VPS52: variants seen among roughly 807,000 people sequenced by gnomAD.
VPS52 encodes the protein vacuolar protein sorting-associated protein 52 homolog.
In VPS52, 56 loss-of-function variants were observed where a neutral mutation model predicts 98.7. The ratio of observed to expected loss-of-function variants is 0.57; its 90% CI spans 0.46 to 0.71. The LOEUF is 0.71. Ranked by LOEUF, VPS52 falls within the 30% of genes least tolerant of loss-of-function variation. The probability of loss-of-function intolerance (pLI) is 0.00; values close to 1 mark genes in which losing one functional copy is unlikely to be tolerated. For missense variants in VPS52, 742 were observed against 925.9 expected, an observed-to-expected ratio of 0.80 and a Z score of 2.58; for synonymous variants, 348 against 346.4, an observed-to-expected ratio of 1.00 and a Z score of -0.05.
intron 15 of VPS52, 60 bp downstream of exon 15, chr6:33,263,948 C>G: frequency 1.2e-6 from 2 of 1,613,648 alleles, no homozygotes; most frequent in South Asian, 2.2e-5. Context: ...GGCTCCTCCT[C>G]AGACTCCACC....
chr6:33,269,031 C>T lies in VPS52; in HGVS notation c.531G>A (p.Val177=), dbSNP rs929912874. ...KLGELVDGLV[V]PSALVTAILE... ...TAACTCACGTGACCAGAGCAGAAGG[C>T]ACCACCAGACCATCAACAAGCTCCC... The change falls in exon 6 of 20, where the codon GTG becomes GTA. Residue 177 remains valine (V), a synonymous_variant. Coordinates refer to ENST00000445902, the MANE Select transcript of VPS52 (RefSeq NM_022553.6). 1.9e-6 allele frequency: 3 copies of T among 1,612,416 alleles called. No individual in the cohort carries two copies. The highest frequency in any genetic ancestry group is 1.7e-6 in the Non-Finnish European group (2 of 1,179,878).
rs151126675 is a variant in VPS52, at chr6:33,268,737, CCT to C, written c.549-90_549-89del. 0.013 allele frequency: 18,036 copies of C among 1,436,136 alleles called. 205 individuals are homozygous for C. Among genetic ancestry groups the C allele is most frequent in the Admixed American group, 0.024 (1,000 of 41,514 alleles). 89.0% of individuals were successfully genotyped at this position (1,436,136 alleles called of 1,614,324 possible). On this transcript the variant is annotated intron_variant, in intron 6 of 19. Transcript: ENST00000445902. The surrounding 1 kb of genome is among the most constrained non-coding windows in gnomAD (Gnocchi z 4.0). Reference sequence around the variant, plus strand: ...CAGACCACACTCCTTACCTCCAGCCCCTGTCATCTCTACCACCTTGCATTGTA... The same window carrying C: ...CAGACCACACTCCTTACCTCCAGCCCGTCATCTCTACCACCTTGCATTGTA...
rs949096349 is a variant in VPS52, at chr6:33,271,576, G to A, written c.90+10C>T. 1 of 1,597,792 alleles carries A rather than the reference G, an allele frequency of 6.3e-7. No individual in the cohort carries two copies. Among genetic ancestry groups the A allele is most frequent in the Non-Finnish European group, 8.5e-7 (1 of 1,172,252 alleles). On this transcript the variant is annotated intron_variant, in intron 1 of 19. Transcript: ENST00000445902. Reference sequence around the variant, plus strand: ...GGAACTACGGAGGAGAAACAGCTCCGCGCTCTCACCAGCGGGCCCTCTTCC... The same window carrying A: ...GGAACTACGGAGGAGAAACAGCTCCACGCTCTCACCAGCGGGCCCTCTTCC...
intron 17 of VPS52, among the ~76,000 whole-genome samples, chr6:33,258,594 CTTTATTTTTTGA>C (rs748676227): frequency 4.0e-5 from 6 of 151,632 alleles, no homozygotes; most frequent in Non-Finnish European, 7.4e-5. Context: ...TTATTTTTTT[CTTTATTTTTTGA>C]GAGAGTCACG....
At position 33,267,946 on chromosome 6, in the gene VPS52, G is replaced by T. The variant is rs774397654; in HGVS notation, c.852C>A (p.Ile284=). Residue 284 remains isoleucine (I), a synonymous_variant, in exon 9 of 20, where the codon ATC becomes ATA. Transcript: ENST00000445902. This position sits in a 1 kb window ranked among gnomAD's most constrained non-coding sequence, Gnocchi z 4.2. Reference sequence around the variant, plus strand: ...TCAGCGTCTCCACATATTCATCCCTGATCTCCTTTGCTGTTGCTCGTTCAT... The same window carrying T: ...TCAGCGTCTCCACATATTCATCCCTTATCTCCTTTGCTGTTGCTCGTTCAT... ...LGNERATAKE[I]RDEYVETLSK... 45 of 1,613,070 alleles carry T rather than the reference G, an allele frequency of 2.8e-5. 1 individual carries two copies. In the South Asian group the frequency reaches 4.6e-4, roughly 17 times the overall value.
At chr6:33,253,370 A>G (rs150596962) in intron 17 of VPS52, among the ~76,000 whole-genome samples, 2 of 151,994 alleles carry the variant, frequency 1.3e-5, no homozygotes. Context: ...GGTGTCTATA[A>G]TCCCAGCTAC....
rs1159183876 is a variant in VPS52, at chr6:33,268,270, C to G, written c.700-62G>C. On this transcript the variant is annotated intron_variant, in intron 7 of 19. Coordinates refer to ENST00000445902, the MANE Select transcript of VPS52 (RefSeq NM_022553.6). The surrounding 1 kb of genome is among the most constrained non-coding windows in gnomAD (Gnocchi z 4.0). The stretch of plus-strand genomic sequence containing the variant: ...CAACCCTTTTGCTGTATGAGAGGAA[C>G]TGGGGGAAGCAACAAATGGTAAACA... 2 of 1,538,642 alleles carry G rather than the reference C, an allele frequency of 1.3e-6. No homozygotes were observed. Among genetic ancestry groups the G allele is most frequent in the Non-Finnish European group, 1.8e-6 (2 of 1,114,428 alleles).
intron 17 of VPS52, among the ~76,000 whole-genome samples, chr6:33,253,861 G>A (rs191042997): frequency 6.6e-6 from 1 of 152,248 alleles, no homozygotes; most frequent in Admixed American, 6.5e-5. Flanking sequence ...CACAGAAGGA[G>A]GATAAGCAAT....
rs757331654 is a variant in VPS52, at chr6:33,267,185, T to C, written c.1125+3A>G. The stretch of plus-strand genomic sequence containing the variant: ...CGTGACTGAAGCTTGTTCCTCCTCA[T>C]ACCCTCTGCTCTCCGCGCTGCGCTG... On this transcript the variant is annotated splice_donor_region_variant and intron_variant, in intron 11 of 19. Coordinates refer to ENST00000445902, the MANE Select transcript of VPS52 (RefSeq NM_022553.6). The surrounding 1 kb of genome is among the most constrained non-coding windows in gnomAD (Gnocchi z 4.2). 70 of 1,498,872 alleles carry C rather than the reference T, an allele frequency of 4.7e-5. No individual in the cohort carries two copies. The highest frequency in any genetic ancestry group is 5.7e-5 in the Non-Finnish European group (64 of 1,123,958). 92.8% of individuals were successfully genotyped at this position (1,498,872 alleles called of 1,614,324 possible). A position where few individuals can be genotyped will look rare whatever the true frequency, so the allele number is the denominator to read the frequency against.
Position 33,266,560 on chromosome 6 carries a change from G to A in VPS52, c.1278C>T (p.Thr426=), listed in dbSNP as rs763876133. The A allele has an allele frequency of 1.4e-5, 22 of 1,603,076 alleles. No homozygotes were observed. Among genetic ancestry groups the A allele is most frequent in the Non-Finnish European group, 1.8e-5 (21 of 1,174,364 alleles). The part of the protein sequence containing the change: ...HAVMGRTLSM[T]LKHLDSYLAD... ...GTACAGGAAACAGGAGTCTTACCAG[G>A]GTCATGCTGAGTGTACGGCCCATGA... Residue 426 remains threonine (T), a synonymous_variant, in exon 12 of 20, where the codon ACC becomes ACT. Coordinates refer to ENST00000445902, the MANE Select transcript of VPS52 (RefSeq NM_022553.6).
intron 11 of VPS52, 133 bp from the exon 12 acceptor site, chr6:33,266,845 G>A: frequency 8.1e-7 from 1 of 1,228,756 alleles, no homozygotes; most frequent in South Asian, 1.7e-5. Flanking sequence ...TCTAGGTCCG[G>A]GCTGTCTAAG....
chr6:33,265,814 G>A (rs537474183), intron 12 of VPS52, among the ~76,000 whole-genome samples: 1 of 152,112 alleles, frequency 6.6e-6, no homozygotes, highest in East Asian at 1.9e-4. Flanking sequence ...GGTAGTCTCA[G>A]GGACCCTACG....
rs374191245 is a variant in VPS52 at position 33,266,740 on chromosome 6, A to C, written c.1126-28T>G. ...GGGAGAGGAGGAGTAAAGAAGAAAAACAGAAGGGATGGACCCCAACACTGA... is the reference window on the plus strand; with the variant it reads ...GGGAGAGGAGGAGTAAAGAAGAAAACCAGAAGGGATGGACCCCAACACTGA... On this transcript the variant is annotated intron_variant, in intron 11 of 19. Transcript: ENST00000445902. 4.9e-5 allele frequency: 77 copies of C among 1,585,504 alleles called. No homozygotes were observed. The African/African-American group carries it at 7.0e-4, about 14-fold the overall frequency.
At chr6:33,253,774 A>G (rs1380064019) in intron 17 of VPS52, among the ~76,000 whole-genome samples, 11 of 152,044 alleles carry the variant, frequency 7.2e-5, no homozygotes, top group Non-Finnish European at 1.6e-4. Context: ...TTCTTAATAA[A>G]AATAACATTC....
chr6:33,264,980 G>C, intron 12 of VPS52, 80 bp from the exon 13 acceptor site: 2 of 1,253,092 alleles, frequency 1.6e-6, no homozygotes, highest in Non-Finnish European at 2.3e-6. Context: ...AAACGCATTT[G>C]TTTCTTTGGG....
Position 33,269,147 on chromosome 6 carries a change from A to C in VPS52, c.415T>G (p.Ser139Ala). Residue 139 changes from serine to alanine, a missense_variant, in exon 6 of 20, where the codon TCC becomes GCC. This residue lies in a region of VPS52 where 590 missense variants were observed against 793.3 expected (regional missense o/e 0.74). Transcript: ENST00000445902. ...MLGAFQSDLS[S>A]ISSEIRTLQE... ...AGTGTCCGGATCTCAGAGCTGATGG[A>C]GCTGAGGTCACTCTGAAAAGCTCCC... The C allele has an allele frequency of 6.2e-7, 1 of 1,612,950 alleles. No homozygotes were observed. Among genetic ancestry groups the C allele is most frequent in the East Asian group, 2.2e-5 (1 of 44,872 alleles).
Position 33,267,525 on chromosome 6 carries a change from T to C in VPS52, c.991+157A>G. ...TATGCAAAACTATGTGTCAAAATAA[T>C]GTGTGCATCTTTCTGGGGAGGGAGG... On this transcript the variant is annotated intron_variant, in intron 10 of 19. Transcript: ENST00000445902. This position sits in a 1 kb window ranked among gnomAD's most constrained non-coding sequence, Gnocchi z 4.2. The C allele has an allele frequency of 8.4e-7, 1 of 1,188,008 alleles. No individual in the cohort carries two copies. The highest frequency in any genetic ancestry group is 1.2e-6 in the Non-Finnish European group (1 of 838,804). 73.6% of individuals were successfully genotyped at this position (1,188,008 alleles called of 1,614,324 possible).
chr6:33,255,462 CTTTTTTTTTTTTT>C (rs9280383), intron 17 of VPS52, among the ~76,000 whole-genome samples: 22 of 117,226 alleles, frequency 1.9e-4, no homozygotes, highest in South Asian at 2.7e-4. Flanking sequence ...CTACGCCTGG[CTTTTTTTTTTTTT>C]TTTTTTTTTT....
rs534430706 is a variant in VPS52 at position 33,256,840 on chromosome 6, T to TAA, written c.1795-4871_1795-4870dup. On this transcript the variant is annotated intron_variant, in intron 17 of 19. Coordinates refer to ENST00000445902, the MANE Select transcript of VPS52 (RefSeq NM_022553.6). ...TGGGTGACAAGAGTGAGACTCTGTC[T>TAA]AAAAAAAAAAAAAAAGAAAAGAAAA... 5.6e-4 allele frequency among the ~76,000 whole-genome samples: 51 copies of TAA among 91,688 alleles called. 1 individual carries two copies. In the East Asian group the frequency reaches 0.011, roughly 19 times the overall value. The allele number at this position is 91,688 out of a possible 152,430, so 60.2% of individuals were successfully genotyped here.
Sources: allele counts gnomAD v4.1 joint callset (sites outside exome capture counted in the v4.1 genomes callset), GRCh38; gene constraint gnomAD v4.1.1; regional missense constraint gnomAD v4.1.1; non-coding constraint Gnocchi (gnomAD v3.1); transcripts MANE v1.5; gene names NCBI Gene and HGNC (gene_info 2026-07-23, HGNC 2026-07-21).